The following TNNI3K variants were observed in gnomAD, a reference collection of about 807,000 sequenced individuals.
TNNI3K encodes TNNI3 interacting kinase, also known as serine/threonine-protein kinase TNNI3K.
TNNI3K carries 140 observed loss-of-function variants against 114.5 expected under a neutral mutation model. The ratio of observed to expected loss-of-function variants is 1.22; its 90% CI spans 1.07 to 1.41. TNNI3K has a LOEUF of 1.41. Among genes scored for constraint, TNNI3K ranks in the 40% most tolerant of loss-of-function variants. TNNI3K has a pLI of 0.00. For synonymous variants in TNNI3K, 347 were observed against 347.5 expected (o/e 1.00, Z 0.02); for missense variants, 1,125 against 1,007.6 (o/e 1.12, Z -1.58).
chr1:74,465,871 T>G (rs1165961931), intron 21 of TNNI3K, among the ~76,000 whole-genome samples: 1 of 152,076 alleles, frequency 6.6e-6, no homozygotes, highest in Non-Finnish European at 1.5e-5. Flanking sequence ...AATGGACCAA[T>G]CAGCAGGATG....
At chr1:74,466,304 A>G (rs17095383) in intron 21 of TNNI3K, among the ~76,000 whole-genome samples, 2,087 of 152,252 alleles carry the variant, frequency 0.014, 40 homozygotes, top group African/African-American at 0.048. Context: ...TCTTTGATGA[A>G]GTGTCTCTTC....
chr1:74,414,832 A>G (rs1269549960), intron 17 of TNNI3K, among the ~76,000 whole-genome samples: 1 of 152,210 alleles, frequency 6.6e-6, no homozygotes, highest in Non-Finnish European at 1.5e-5. Context: ...GGACTATCAT[A>G]GTAAATTCCT....
chr1:74,235,397 T>A lies in TNNI3K; in HGVS notation c.-55T>A, dbSNP rs1209265408. On this transcript the variant is annotated 5_prime_UTR_variant, in exon 1 of 25. The change creates a new upstream start codon in the 5' untranslated region. Coordinates refer to ENST00000326637, the MANE Select transcript of TNNI3K (RefSeq NM_015978.3). ...AACTGGACTGTCACTGCACTTGAAC[T>A]TGGAATCTTATAACTTGAAGAACTG... The A allele has an allele frequency of 1.7e-5, 21 of 1,271,202 alleles. No individual in the cohort carries two copies. The highest frequency in any genetic ancestry group is 2.3e-5 in the Non-Finnish European group (21 of 898,054). 78.7% of individuals were successfully genotyped at this position (1,271,202 alleles called of 1,614,324 possible). A position where few individuals can be genotyped will look rare whatever the true frequency, so the allele number is the denominator to read the frequency against.
At chr1:74,315,677 C>T (rs1659266567) in intron 5 of TNNI3K, among the ~76,000 whole-genome samples, 1 of 151,898 alleles carries the variant, frequency 6.6e-6, no homozygotes, top group African/African-American at 2.4e-5. Context: ...TCTTATTTCC[C>T]AAAAGACAGG....
At chr1:74,442,955 T>C (rs955969491) in intron 20 of TNNI3K, among the ~76,000 whole-genome samples, 2 of 152,110 alleles carry the variant, frequency 1.3e-5, no homozygotes, top group Non-Finnish European at 2.9e-5. Context: ...AAGAAGTTAT[T>C]TGAAACCAGT....
chr1:74,462,345 A>G (rs1441408057), intron 20 of TNNI3K, among the ~76,000 whole-genome samples: 1 of 152,218 alleles, frequency 6.6e-6, no homozygotes, highest in African/African-American at 2.4e-5. Context: ...ATATAGACAG[A>G]TGCTTACAAT....
chr1:74,269,762 T>C (rs503770), intron 4 of TNNI3K, among the ~76,000 whole-genome samples: 25,099 of 151,764 alleles, frequency 0.17, 2,185 homozygotes, highest in South Asian at 0.26. Flanking sequence ...AGGCAAAATA[T>C]ATGGGACTCA....
intron 5 of TNNI3K, among the ~76,000 whole-genome samples, chr1:74,281,632 C>T (rs1657022502): frequency 1.3e-5 from 2 of 152,060 alleles, no homozygotes; most frequent in South Asian, 4.1e-4. Context: ...ATATTCTTCT[C>T]ATAAATTTGT....
At chr1:74,312,961 G>A (rs1043372117) in intron 5 of TNNI3K, among the ~76,000 whole-genome samples, 3 of 152,116 alleles carry the variant, frequency 2.0e-5, no homozygotes. Context: ...CCCATGGAAA[G>A]GCTCAGTTCT....
intron 21 of TNNI3K, among the ~76,000 whole-genome samples, chr1:74,482,690 T>C (rs1453901678): frequency 6.6e-6 from 1 of 152,220 alleles, no homozygotes; most frequent in Admixed American, 6.5e-5. Context: ...GTAAATCACA[T>C]TCTCCTCAAA....
intron 21 of TNNI3K, chr1:74,483,236 C>G: frequency 1.4e-6 from 1 of 716,232 alleles, no homozygotes; most frequent in South Asian, 1.5e-5. Context: ...CTGAGCACTG[C>G]TTTTTAGAGT....
intron 17 of TNNI3K, among the ~76,000 whole-genome samples, chr1:74,434,542 G>T (rs1419224858): frequency 2.0e-5 from 3 of 151,882 alleles, no homozygotes; most frequent in Non-Finnish European, 2.9e-5. Flanking sequence ...CCACTTCAAA[G>T]CTAATCCCTT....
chr1:74,454,744 T>A (rs1040443163), intron 20 of TNNI3K, among the ~76,000 whole-genome samples: 1 of 152,176 alleles, frequency 6.6e-6, no homozygotes, highest in African/African-American at 2.4e-5. Context: ...GGCAGTGGGA[T>A]TGCTGGATAA....
chr1:74,472,202 C>T (rs1667970771), intron 21 of TNNI3K: 1 of 716,332 alleles, frequency 1.4e-6, no homozygotes, highest in Non-Finnish European at 2.6e-6. Context: ...CTGCTGATAT[C>T]TGTGGAACAA....
intron 17 of TNNI3K, among the ~76,000 whole-genome samples, chr1:74,405,446 ATAAAC>A (rs1159440527): frequency 1.3e-5 from 2 of 152,238 alleles, no homozygotes; most frequent in African/African-American, 4.8e-5. Flanking sequence ...AAAGTGGTAA[ATAAAC>A]TAGTCTTAGG....
intron 17 of TNNI3K, chr1:74,373,827 G>A (rs1370476393): frequency 6.6e-6 from 1 of 151,794 alleles, no homozygotes; most frequent in African/African-American, 2.4e-5. Context: ...TTTTCCCATG[G>A]CAAGCAAAGC....
intron 7 of TNNI3K, among the ~76,000 whole-genome samples, chr1:74,339,292 T>C (rs1196281763): frequency 1.3e-5 from 2 of 152,156 alleles, no homozygotes; most frequent in Admixed American, 1.3e-4. Flanking sequence ...ACGGCGTGAC[T>C]CACATTTTTA....
At chr1:74,472,716 A>G (rs145753494) in intron 21 of TNNI3K, among the ~76,000 whole-genome samples, 3 of 152,158 alleles carry the variant, frequency 2.0e-5, no homozygotes, top group Non-Finnish European at 2.9e-5. Context: ...TATCTGTTTT[A>G]TTTCCCATAA....
chr1:74,325,156 T>G (rs982972871), intron 5 of TNNI3K, among the ~76,000 whole-genome samples: 2 of 152,156 alleles, frequency 1.3e-5, no homozygotes, highest in African/African-American at 4.8e-5. Context: ...TGCATGAGTT[T>G]CTGTGAAAGG....
Sources: gnomAD v4.1 joint callset for allele counts (sites outside exome capture counted in the v4.1 genomes callset) on GRCh38, gnomAD v4.1.1 for gene constraint, MANE v1.5 for transcripts, NCBI Gene and HGNC (gene_info 2026-07-23, HGNC 2026-07-21) for gene names.